The following DHCR24 variants were observed in gnomAD, a reference collection of about 807,000 sequenced individuals.
The protein encoded by DHCR24 is delta(24)-sterol reductase.
In DHCR24, 28 loss-of-function variants were observed where a neutral mutation model predicts 61.2. That is an observed-to-expected ratio of 0.46 (90% CI 0.34 to 0.63). DHCR24 has a LOEUF of 0.63. Among genes scored for constraint, DHCR24 ranks in the 20% least tolerant of loss-of-function variants. The pLI is 0.01. For synonymous variants in DHCR24, 261 were observed against 275.9 expected (o/e 0.95, Z 0.54); for missense variants, 538 against 679.1 (o/e 0.79, Z 2.31).
chr1:54,853,514 T>C lies in DHCR24; in HGVS notation c.1317A>G (p.Ala439=), dbSNP rs1187675917. ...NEAELYIDIG[A]YGEPRVKHFE... ...AGTGTTTCACACGCGGCTCCCCATA[T>C]GCTCCAATGTCGATGTAGAGCTCTG... Residue 439 remains alanine (A), a synonymous_variant, in exon 8 of 9, where the codon GCA becomes GCG. Transcript: ENST00000371269. The C allele has an allele frequency of 1.2e-6, 2 of 1,614,244 alleles. No individual in the cohort carries two copies. The highest frequency in any genetic ancestry group is 1.1e-5 in the South Asian group (1 of 91,080).
intron 6 of DHCR24, among the ~76,000 whole-genome samples, chr1:54,859,937 A>G (rs1279569617): frequency 2.0e-5 from 3 of 152,224 alleles, no homozygotes; most frequent in Admixed American, 2.0e-4. Flanking sequence ...GGGATCAAGA[A>G]GGACTCATAG....
intron 6 of DHCR24, among the ~76,000 whole-genome samples, chr1:54,855,484 T>C (rs1263991675): frequency 1.3e-5 from 2 of 151,378 alleles, no homozygotes; most frequent in Non-Finnish European, 2.9e-5. Flanking sequence ...AACTGAGACA[T>C]GGTCTCTGTC....
chr1:54,886,845 G>A (rs1255981162), intron 1 of DHCR24, 44 bp downstream of exon 1: 1 of 1,557,172 alleles, frequency 6.4e-7, no homozygotes. Flanking sequence ...CCCCGCGCAC[G>A]CCGCCTCCGG....
Position 54,886,834 on chromosome 1 carries a change from T to G in DHCR24, c.231+55A>C, listed in dbSNP as rs1647101274. On this transcript the variant is annotated intron_variant, in intron 1 of 8. Transcript: ENST00000371269. ...CCCGTCGCCACCTCGCGTCCCGCTA[T>G]CCCCGCGCACGCCGCCTCCGGCCCT... The G allele has an allele frequency of 3.3e-6, 5 of 1,524,984 alleles. No individual in the cohort carries two copies. The South Asian group carries it at 5.7e-5, about 17-fold the overall frequency. 94.5% of individuals were successfully genotyped at this position (1,524,984 alleles called of 1,614,324 possible). A position where few individuals can be genotyped will look rare whatever the true frequency, so the allele number is the denominator to read the frequency against.
intron 4 of DHCR24, among the ~76,000 whole-genome samples, chr1:54,872,653 T>C (rs754157789): frequency 2.0e-5 from 3 of 152,194 alleles, no homozygotes; most frequent in African/African-American, 2.4e-5. Context: ...CTGAGCTCTA[T>C]GCAAGGAGCT....
At position 54,865,441 on chromosome 1, in the gene DHCR24, A is replaced by C; in HGVS notation, c.882T>G (p.Asn294Lys). Residue 294 changes from asparagine to lysine, a missense_variant, in exon 6 of 9, where the codon AAT (asparagine) becomes AAG (lysine). By Grantham distance (94) the Asn-to-Lys change is moderately conservative. Coordinates refer to ENST00000371269, the MANE Select transcript of DHCR24 (RefSeq NM_014762.4). ...MTDEAEPSKLNSIGNYYKPWF... is the reference protein window; with the variant it reads ...MTDEAEPSKLKSIGNYYKPWF... ...ACGGCTTGTAGTAATTGCCAATGCT[A>C]TTCAGCTGAAATGACAGAGGGCATT... 6.2e-7 allele frequency: 1 copy of C among 1,614,128 alleles called. No homozygotes were observed. Among genetic ancestry groups the C allele is most frequent in the Non-Finnish European group, 8.5e-7 (1 of 1,180,010 alleles).
chr1:54,855,501 A>T (rs11206454), intron 6 of DHCR24, among the ~76,000 whole-genome samples: 28 of 152,140 alleles, frequency 1.8e-4, no homozygotes, highest in African/African-American at 5.8e-4. Context: ...TGTCCTTAAG[A>T]CACCCACAAC....
intron 8 of DHCR24, 34 bp from the exon 9 acceptor site, chr1:54,852,420 G>A (rs373788458): frequency 3.1e-6 from 5 of 1,612,672 alleles, no homozygotes; most frequent in Admixed American, 1.7e-5. Context: ...AGGACGCCAG[G>A]AGGCACACGG....
chr1:54,853,861 G>A (rs752633906), intron 7 of DHCR24, among the ~76,000 whole-genome samples, 176 bp downstream of exon 7: 23 of 152,096 alleles, frequency 1.5e-4, no homozygotes, highest in Admixed American at 2.0e-4. Context: ...TCTCCCAGGG[G>A]GGCCATCACT....
At chr1:54,874,958 T>G in intron 4 of DHCR24, 135 bp downstream of exon 4, 1 of 792,292 alleles carries the variant, frequency 1.3e-6, no homozygotes, top group African/African-American at 1.7e-5. Flanking sequence ...GCTACACAAA[T>G]TTTTGTTTAC....
At chr1:54,858,606 C>T (rs1646919858) in intron 6 of DHCR24, among the ~76,000 whole-genome samples, 5 of 152,166 alleles carry the variant, frequency 3.3e-5, no homozygotes, top group Non-Finnish European at 7.4e-5. Flanking sequence ...ATTTTGAATC[C>T]TAGCTCTGTG....
At chr1:54,880,975 C>T (rs1005659131) in intron 2 of DHCR24, among the ~76,000 whole-genome samples, 3 of 152,076 alleles carry the variant, frequency 2.0e-5, no homozygotes, top group Admixed American at 2.0e-4. Context: ...ATGGTGAAAC[C>T]CCGTCTCTAC....
chr1:54,862,131 T>G (rs999664935), intron 6 of DHCR24, among the ~76,000 whole-genome samples: 1 of 152,180 alleles, frequency 6.6e-6, no homozygotes, highest in Non-Finnish European at 1.5e-5. Context: ...CCCTCTCTTC[T>G]GCATTGTCAT....
At chr1:54,864,365 C>T (rs1030660966) in intron 6 of DHCR24, among the ~76,000 whole-genome samples, 12 of 152,054 alleles carry the variant, frequency 7.9e-5, no homozygotes, top group Non-Finnish European at 1.3e-4. Flanking sequence ...ACTACTATCC[C>T]GCCATAAAAA....
intron 6 of DHCR24, among the ~76,000 whole-genome samples, chr1:54,858,188 T>C (rs1024957524): frequency 6.6e-6 from 1 of 152,270 alleles, no homozygotes; most frequent in Non-Finnish European, 1.5e-5. Context: ...CACAGGGTGC[T>C]GACTGCTGAC....
chr1:54,877,767 T>G (rs1647041414), intron 2 of DHCR24, among the ~76,000 whole-genome samples: 1 of 151,732 alleles, frequency 6.6e-6, no homozygotes, highest in Non-Finnish European at 1.5e-5. Flanking sequence ...TCTCAGCACT[T>G]TGGGAGACCG....
rs563317133 is a variant in DHCR24 at position 54,853,679 on chromosome 1, C to A, written c.1219-67G>T. ...ACAGGTGACAGGCTCATGGCTGGCCCGCTCATACCCACCCAAATGAAGGCT... is the reference window on the plus strand; with the variant it reads ...ACAGGTGACAGGCTCATGGCTGGCCAGCTCATACCCACCCAAATGAAGGCT... On this transcript the variant is annotated intron_variant, in intron 7 of 8. Transcript: ENST00000371269. 102 of 1,516,732 alleles carry A rather than the reference C, an allele frequency of 6.7e-5. 2 individuals are homozygous for A. The South Asian group carries it at 1.2e-3, about 17-fold the overall frequency. 94.0% of individuals were successfully genotyped at this position (1,516,732 alleles called of 1,614,324 possible). A position where few individuals can be genotyped will look rare whatever the true frequency, so the allele number is the denominator to read the frequency against.
rs1241516426 is a variant in DHCR24 at position 54,866,087 on chromosome 1, T to C, written c.877-641A>G. Among the ~76,000 whole-genome samples the C allele has an allele frequency of 3.9e-5, 6 of 152,118 alleles. No homozygotes were observed. In the South Asian group the frequency reaches 1.2e-3, roughly 32 times the overall value. ...CCTAAATGGTCATGACTCAATGTGC[T>C]GTGTGCCTTGGGATGGCTGAGCTTC... On this transcript the variant is annotated intron_variant, in intron 5 of 8. Transcript: ENST00000371269.
intron 2 of DHCR24, among the ~76,000 whole-genome samples, chr1:54,879,995 AC>A (rs1321947203): frequency 6.6e-6 from 1 of 152,170 alleles, no homozygotes; most frequent in Non-Finnish European, 1.5e-5. Context: ...AATAATAAAG[AC>A]CAAAGCAGAA....
Sources: allele counts gnomAD v4.1 joint callset (sites outside exome capture counted in the v4.1 genomes callset), GRCh38; gene constraint gnomAD v4.1.1; transcripts MANE v1.5; gene names NCBI Gene and HGNC (gene_info 2026-07-23, HGNC 2026-07-21).